Variants in STK32A observed in about 807,000 individuals in gnomAD.
STK32A encodes serine/threonine kinase 32A, also known as serine/threonine-protein kinase 32A.
A neutral mutation model predicts 53.2 loss-of-function variants in STK32A; 41 were observed. The ratio of observed to expected loss-of-function variants is 0.77; its 90% CI spans 0.60 to 1.00. STK32A has a LOEUF of 1.00. Among genes scored for constraint, STK32A ranks in the 50% least tolerant of loss-of-function variants. The probability of loss-of-function intolerance (pLI) is 0.00; values close to 1 mark genes in which losing one functional copy is unlikely to be tolerated. For missense variants in STK32A, 458 were observed against 485.8 expected (o/e 0.94, Z 0.54); for synonymous variants, 166 against 162.8 (o/e 1.02, Z -0.15).
At chr5:147,342,963 G>C (rs202028455) in intron 5 of STK32A, 43 bp from the exon 6 acceptor site, 2 of 1,608,064 alleles carry the variant, frequency 1.2e-6, no homozygotes, top group Non-Finnish European at 1.7e-6. Flanking sequence ...AGTTCTGTTC[G>C]TTTTATTGTG....
downstream of STK32A, among the ~76,000 whole-genome samples, chr5:147,390,429 C>G (rs1443883901): frequency 6.6e-5 from 9 of 136,946 alleles, no homozygotes; most frequent in Non-Finnish European, 3.1e-5. Context: ...TAAAAAGAAG[C>G]AGAAAATGCT....
At chr5:147,321,250 G>A (rs142585127) in intron 4 of STK32A, among the ~76,000 whole-genome samples, 71 of 152,288 alleles carry the variant, frequency 4.7e-4, no homozygotes, top group African/African-American at 1.6e-3. Context: ...GAATGGTTGA[G>A]GTACAAGGAA....
At chr5:147,335,919 C>T (rs1228382072) in intron 5 of STK32A, among the ~76,000 whole-genome samples, 5 of 152,134 alleles carry the variant, frequency 3.3e-5, no homozygotes, top group Non-Finnish European at 5.9e-5. Flanking sequence ...ATGAAGAATG[C>T]GTATTAGAAA....
intron 4 of STK32A, among the ~76,000 whole-genome samples, chr5:147,322,819 A>C (rs1184571204): frequency 6.6e-6 from 1 of 151,938 alleles, no homozygotes; most frequent in African/African-American, 2.4e-5. Context: ...TTCCTCTTCT[A>C]ATTCCTCATC....
At chr5:147,277,797 G>A (rs559570963) in intron 2 of STK32A, among the ~76,000 whole-genome samples, 2 of 152,286 alleles carry the variant, frequency 1.3e-5, no homozygotes, top group Admixed American at 6.5e-5. Context: ...TTAACTTGCA[G>A]TGGGAGCTTG....
chr5:147,323,841 G>A, intron 4 of STK32A, 57 bp from the exon 5 acceptor site: 1 of 1,451,782 alleles, frequency 6.9e-7, no homozygotes, highest in Non-Finnish European at 9.4e-7. Flanking sequence ...ATTTGTCTCT[G>A]AGACTCTTTA....
chr5:147,314,742 T>TTTTC (rs1554104308), intron 4 of STK32A, among the ~76,000 whole-genome samples: 1 of 145,792 alleles, frequency 6.9e-6, no homozygotes, highest in Admixed American at 6.8e-5. Context: ...TTCTTTTTCT[T>TTTTC]TTTTTTTTTT....
intron 2 of STK32A, among the ~76,000 whole-genome samples, chr5:147,271,501 T>TAACCTTA (rs1755031364): frequency 6.6e-6 from 1 of 152,176 alleles, no homozygotes; most frequent in Non-Finnish European, 1.5e-5. Context: ...ATAAGAGAGA[T>TAACCTTA]AACCTTAAAC....
At chr5:147,343,733 T>C (rs1755552765) in intron 6 of STK32A, among the ~76,000 whole-genome samples, 1 of 152,246 alleles carries the variant, frequency 6.6e-6, no homozygotes, top group African/African-American at 2.4e-5. Flanking sequence ...CGGCTTTGTC[T>C]ATGCTGGCAC....
At chr5:147,367,439 C>G (rs1756809312) in intron 8 of STK32A, among the ~76,000 whole-genome samples, 1 of 152,126 alleles carries the variant, frequency 6.6e-6, no homozygotes, top group Non-Finnish European at 1.5e-5. Context: ...GACCACCAAA[C>G]AGGCTTTGTG....
chr5:147,360,495 G>GAAAGAAAA (rs1756457754), intron 7 of STK32A, among the ~76,000 whole-genome samples: 1 of 131,846 alleles, frequency 7.6e-6, no homozygotes, highest in East Asian at 2.1e-4. Flanking sequence ...AAGAAAGAAA[G>GAAAGAAAA]AAAAAAAAGG....
At chr5:147,397,237 G>A in the STK32A span, among the ~76,000 whole-genome samples, 1 of 142,230 alleles carries the variant, frequency 7.0e-6, no homozygotes, top group Non-Finnish European at 1.5e-5. Context: ...GAGAAATAAA[G>A]TTTTATTGAA....
At chr5:147,368,084 T>C (rs1756847693) in intron 8 of STK32A, among the ~76,000 whole-genome samples, 1 of 152,254 alleles carries the variant, frequency 6.6e-6, no homozygotes, top group Non-Finnish European at 1.5e-5. Flanking sequence ...TCTTAATGAA[T>C]GTGTCCCTTA....
At chr5:147,310,921 T>C (rs1207534892) in intron 4 of STK32A, among the ~76,000 whole-genome samples, 1 of 152,198 alleles carries the variant, frequency 6.6e-6, no homozygotes, top group Non-Finnish European at 1.5e-5. Context: ...AGCCAGTATA[T>C]GTAAGCCGAC....
chr5:147,393,186 T>A, the STK32A span: 1 of 152,288 alleles, frequency 6.6e-6, no homozygotes, highest in African/African-American at 2.4e-5. Context: ...CACGTGGGCC[T>A]GTGCTATGTT....
At chr5:147,395,232 C>A in the STK32A span, among the ~76,000 whole-genome samples, 22 of 152,334 alleles carry the variant, frequency 1.4e-4, 1 homozygote, top group African/African-American at 5.3e-4. Flanking sequence ...GCATAGCGCT[C>A]ATAGGCTAAT....
chr5:147,350,786 A>G (rs1755932203), intron 6 of STK32A, among the ~76,000 whole-genome samples: 1 of 152,094 alleles, frequency 6.6e-6, no homozygotes, highest in Non-Finnish European at 1.5e-5. Context: ...AAATGTCACC[A>G]ACAGACAAAA....
intron 7 of STK32A, among the ~76,000 whole-genome samples, chr5:147,353,607 A>C (rs968207377): frequency 5.3e-5 from 8 of 152,196 alleles, no homozygotes; most frequent in African/African-American, 1.7e-4. Context: ...TAAAAATACA[A>C]AAATTAGCTG....
intron 5 of STK32A, among the ~76,000 whole-genome samples, chr5:147,326,197 C>A (rs73797621): frequency 2.0e-5 from 3 of 152,158 alleles, no homozygotes; most frequent in African/African-American, 7.2e-5. Context: ...TTTTTCTCAC[C>A]GTTATCATCA....
Sources: allele counts gnomAD v4.1 joint callset (sites outside exome capture counted in the v4.1 genomes callset), GRCh38; gene constraint gnomAD v4.1.1; transcripts MANE v1.5; gene names NCBI Gene and HGNC (gene_info 2026-07-23, HGNC 2026-07-21).